The following DPH6 variants were observed in gnomAD, a reference collection of about 807,000 sequenced individuals.
DPH6 encodes the protein diphthamine biosynthesis 6.
DPH6 carries 33 observed loss-of-function variants against 38.2 expected under a neutral mutation model. That is an observed-to-expected ratio of 0.86 (90% CI 0.65 to 1.15). The LOEUF (loss-of-function observed/expected upper bound fraction) is 1.15, where lower values mean the gene tolerates loss of function less well. Among genes scored for constraint, DPH6 ranks in the 50% most tolerant of loss-of-function variants. The pLI is 0.00. For synonymous variants in DPH6, 108 were observed against 103.0 expected (o/e 1.05, Z -0.30); for missense variants, 325 against 320.0 (o/e 1.02, Z -0.12).
intron 3 of DPH6, among the ~76,000 whole-genome samples, chr15:35,496,561 A>ATATATATATATAT: frequency 6.2e-5 from 1 of 16,182 alleles, no homozygotes; most frequent in Non-Finnish European, 1.2e-4. Flanking sequence ...ATCTCAAAAA[A>ATATATATATATAT]AAAAAAATAT....
chr15:35,357,056 C>G (rs1316177045), intron 3 of DPH6, among the ~76,000 whole-genome samples: 6 of 152,210 alleles, frequency 3.9e-5, no homozygotes, highest in African/African-American at 1.4e-4. Flanking sequence ...ATGAGCGAGG[C>G]TCCGTGGGCG....
chr15:35,400,750 T>A (rs115964908), intron 6 of DPH6: 3 of 742,258 alleles, frequency 4.0e-6, no homozygotes, highest in Non-Finnish European at 7.5e-6. Flanking sequence ...TATTGGAGGG[T>A]TGAGCTTGGA....
At chr15:35,533,467 G>A (rs372192726) in intron 3 of DPH6, among the ~76,000 whole-genome samples, 77 of 152,096 alleles carry the variant, frequency 5.1e-4, no homozygotes, top group African/African-American at 1.9e-3. Flanking sequence ...ATACAACTGG[G>A]AGCCATCCCC....
intron 6 of DPH6, among the ~76,000 whole-genome samples, chr15:35,390,473 G>C (rs1292443181): frequency 6.6e-6 from 1 of 152,130 alleles, no homozygotes; most frequent in Non-Finnish European, 1.5e-5. Flanking sequence ...TCACTTTCAG[G>C]TACACCAATT....
intron 3 of DPH6, among the ~76,000 whole-genome samples, chr15:35,515,847 A>T (rs553308812): frequency 2.6e-5 from 4 of 151,846 alleles, no homozygotes; most frequent in African/African-American, 9.7e-5. Context: ...GCAGTGAATT[A>T]TGCTTGTAGC....
intron 3 of DPH6, among the ~76,000 whole-genome samples, chr15:35,283,754 T>C (rs1171207411): frequency 1.5e-5 from 2 of 130,322 alleles, no homozygotes; most frequent in Admixed American, 7.7e-5. Context: ...TGGGCACAGA[T>C]AGTACACACA....
At chr15:35,251,022 G>A (rs561307025) in intron 3 of DPH6, among the ~76,000 whole-genome samples, 1 of 152,292 alleles carries the variant, frequency 6.6e-6, no homozygotes, top group Admixed American at 6.5e-5. Context: ...TTGAGAAGAA[G>A]GTCATTGTTA....
chr15:35,412,464 C>T (rs1490422973), intron 5 of DPH6, among the ~76,000 whole-genome samples: 1 of 151,678 alleles, frequency 6.6e-6, no homozygotes, highest in African/African-American at 2.4e-5. Flanking sequence ...TACGATCCAA[C>T]TGTGGTGTTC....
intron 3 of DPH6, among the ~76,000 whole-genome samples, chr15:35,316,906 A>T (rs1054314626): frequency 1.3e-5 from 2 of 152,184 alleles, no homozygotes; most frequent in Non-Finnish European, 2.9e-5. Flanking sequence ...CAGACAATGG[A>T]AATATATCTT....
chr15:35,276,905 T>C (rs2051863037), intron 3 of DPH6, among the ~76,000 whole-genome samples: 1 of 152,182 alleles, frequency 6.6e-6, no homozygotes, highest in Non-Finnish European at 1.5e-5. Context: ...TTGCTTTGGA[T>C]ATGTGGGCTC....
chr15:35,288,792 A>ACTGT (rs1432037141), intron 3 of DPH6, among the ~76,000 whole-genome samples: 2 of 152,250 alleles, frequency 1.3e-5, no homozygotes, highest in Admixed American at 1.3e-4. Flanking sequence ...TGAAGGGCAT[A>ACTGT]CTGTCTGATT....
At chr15:35,352,773 T>C (rs1021236504) in intron 3 of DPH6, among the ~76,000 whole-genome samples, 11 of 152,216 alleles carry the variant, frequency 7.2e-5, no homozygotes, top group African/African-American at 2.4e-4. Context: ...CAGCATGATT[T>C]ATAATCCTTT....
At chr15:35,413,544 C>G (rs942825427) in intron 5 of DPH6, among the ~76,000 whole-genome samples, 1 of 151,704 alleles carries the variant, frequency 6.6e-6, no homozygotes, top group African/African-American at 2.4e-5. Flanking sequence ...ACTATTTCAT[C>G]TCCATCAGAT....
At chr15:35,366,170 G>C (rs1386586972), downstream of DPH6, among the ~76,000 whole-genome samples, 1 of 151,534 alleles carries the variant, frequency 6.6e-6, no homozygotes, top group Non-Finnish European at 1.5e-5. Context: ...AGTGATGACA[G>C]CAAATTCCCA....
chr15:35,252,402 G>A (rs1437460263), intron 3 of DPH6, among the ~76,000 whole-genome samples: 1 of 152,212 alleles, frequency 6.6e-6, no homozygotes, highest in African/African-American at 2.4e-5. Context: ...ATCCTGGGTT[G>A]AGCAGAGCTA....
At chr15:35,194,369 C>CAGAGAGAG in the DPH6 span, among the ~76,000 whole-genome samples, 247 of 144,752 alleles carry the variant, frequency 1.7e-3, no homozygotes, top group African/African-American at 5.7e-3. Flanking sequence ...TTCCTTTTTC[C>CAGAGAGAG]AGAGAGAGAG....
At chr15:35,381,139 A>G (rs1255830626) in intron 7 of DPH6, among the ~76,000 whole-genome samples, 1 of 152,184 alleles carries the variant, frequency 6.6e-6, no homozygotes, top group Non-Finnish European at 1.5e-5. Context: ...TCAATCAAGC[A>G]TAACTCTGAC....
intron 3 of DPH6, among the ~76,000 whole-genome samples, chr15:35,525,175 G>A (rs140107568): frequency 2.0e-3 from 297 of 152,172 alleles, no homozygotes; most frequent in Non-Finnish European, 1.8e-3. Flanking sequence ...AGTAAATAAT[G>A]CAATAGAAAT....
At chr15:35,276,977 A>AT (rs2051863534) in intron 3 of DPH6, among the ~76,000 whole-genome samples, 1 of 152,086 alleles carries the variant, frequency 6.6e-6, no homozygotes, top group African/African-American at 2.4e-5. Flanking sequence ...AGATGATGAT[A>AT]TTTTGATAGG....
Sources: gnomAD v4.1 joint callset for allele counts (sites outside exome capture counted in the v4.1 genomes callset) on GRCh38, gnomAD v4.1.1 for gene constraint, MANE v1.5 for transcripts, NCBI Gene and HGNC (gene_info 2026-07-23, HGNC 2026-07-21) for gene names.